Variants in KDM4C observed in about 807,000 individuals in gnomAD.
The protein encoded by KDM4C is lysine demethylase 4C, also known as lysine-specific demethylase 4C.
A neutral mutation model predicts 129.3 loss-of-function variants in KDM4C; 81 were observed. The observed-to-expected ratio is 0.63, with a 90% CI of 0.52 to 0.75. The LOEUF (loss-of-function observed/expected upper bound fraction) is 0.75, where lower values mean the gene tolerates loss of function less well. Ranked by LOEUF, KDM4C falls within the 30% of genes least tolerant of loss-of-function variation. KDM4C has a pLI of 0.00. For missense variants in KDM4C, 1,457 were observed against 1,304.0 expected (o/e 1.12, Z -1.81); for synonymous variants, 573 against 456.1 (o/e 1.26, Z -3.26).
chr9:6,784,022 A>T (rs1374004514), intron 1 of KDM4C, among the ~76,000 whole-genome samples: 1 of 152,188 alleles, frequency 6.6e-6, no homozygotes, highest in Admixed American at 6.5e-5. Context: ...ATCTGTAGGC[A>T]GTGAGGAAGA....
rs36060681 is a variant in KDM4C, at chr9:7,013,946, G to T, written c.2127G>T (p.Glu709Asp). 6.2e-7 allele frequency: 1 copy of T among 1,613,988 alleles called. No individual in the cohort carries two copies. The highest frequency in any genetic ancestry group is 1.3e-5 in the African/African-American group (1 of 75,024). The change falls in exon 14 of 22, where the codon GAG becomes GAT. Residue 709 changes from glutamate (E) to aspartate (D), a missense_variant. Glu to Asp is a conservative substitution (Grantham distance 45). Transcript: ENST00000381309. Reference sequence around the variant, plus strand: ...CTCCACCCAATGCCTTCCTTGAAGAGGATGGAACAAGTCTCCTTATTTCCT... The same window carrying T: ...CTCCACCCAATGCCTTCCTTGAAGATGATGGAACAAGTCTCCTTATTTCCT... Reference protein sequence around the residue: ...EYSPPNAFLEEDGTSLLISCA... With the variant: ...EYSPPNAFLEDDGTSLLISCA...
At chr9:6,810,225 C>G (rs888428449) in intron 3 of KDM4C, among the ~76,000 whole-genome samples, 1 of 152,132 alleles carries the variant, frequency 6.6e-6, no homozygotes, top group Admixed American at 6.5e-5. Flanking sequence ...ATACATATCT[C>G]TGTTAAATTA....
At chr9:6,973,297 C>T (rs1048369232) in intron 8 of KDM4C, among the ~76,000 whole-genome samples, 4 of 152,178 alleles carry the variant, frequency 2.6e-5, no homozygotes, top group Non-Finnish European at 5.9e-5. Flanking sequence ...CCTGTGTCAG[C>T]CTTCCAAAGT....
intron 8 of KDM4C, among the ~76,000 whole-genome samples, chr9:6,948,685 TCTTAACGAGCATG>T (rs1178796678): frequency 2.0e-5 from 3 of 151,786 alleles, no homozygotes; most frequent in Non-Finnish European, 2.9e-5. Flanking sequence ...TGGTGATGAC[TCTTAACGAGCATG>T]CTGCCTTCAA....
chr9:7,150,525 G>A (rs1316308019), intron 19 of KDM4C, among the ~76,000 whole-genome samples: 3 of 152,170 alleles, frequency 2.0e-5, no homozygotes, highest in East Asian at 1.9e-4. Context: ...GTCTCCGAGA[G>A]GGCTGGGTCT....
At chr9:7,048,370 A>C (rs993296677) in intron 16 of KDM4C, among the ~76,000 whole-genome samples, 9 of 152,124 alleles carry the variant, frequency 5.9e-5, no homozygotes, top group Non-Finnish European at 1.2e-4. Context: ...TTGGCTTAAA[A>C]ATAGGTTGAT....
At chr9:6,966,848 T>C (rs1831062329) in intron 8 of KDM4C, among the ~76,000 whole-genome samples, 2 of 152,104 alleles carry the variant, frequency 1.3e-5, no homozygotes, top group Admixed American at 6.5e-5. Flanking sequence ...TAGATGAAAA[T>C]ATAGGGGACA....
At chr9:7,014,822 A>T (rs1269911169) in intron 14 of KDM4C, among the ~76,000 whole-genome samples, 1 of 151,910 alleles carries the variant, frequency 6.6e-6, no homozygotes, top group Non-Finnish European at 1.5e-5. Flanking sequence ...TTTATTAATT[A>T]ATTAGAGACT....
Position 7,096,693 on chromosome 9 carries a change from G to A in KDM4C, c.2425-6992G>A, listed in dbSNP as rs16925334. ...TTAATAAAAAGGCAGCTTAGAATTC[G>A]TCCAACTGTAAAGGAGCAAAAGATG... On this transcript the variant is annotated intron_variant, in intron 17 of 21. Transcript: ENST00000381309. 0.02 allele frequency among the ~76,000 whole-genome samples: 3,072 copies of A among 152,040 alleles called. 250 individuals are homozygous for A. In the East Asian group the frequency reaches 0.26, roughly 13 times the overall value.
At chr9:6,857,739 A>G (rs1840123335) in intron 5 of KDM4C, among the ~76,000 whole-genome samples, 1 of 151,602 alleles carries the variant, frequency 6.6e-6, no homozygotes, top group South Asian at 2.1e-4. Flanking sequence ...ATAGTTTTCC[A>G]GAGTAGCCAG....
At chr9:7,035,194 A>G (rs752749150) in intron 15 of KDM4C, among the ~76,000 whole-genome samples, 1 of 150,544 alleles carries the variant, frequency 6.6e-6, no homozygotes, top group Non-Finnish European at 1.5e-5. Context: ...TTGTATTTTT[A>G]GTAGAGATGA....
At chr9:6,759,712 G>A (rs1247814532) in intron 1 of KDM4C, among the ~76,000 whole-genome samples, 1 of 151,980 alleles carries the variant, frequency 6.6e-6, no homozygotes, top group Non-Finnish European at 1.5e-5. Context: ...CAACACTTTG[G>A]GAGGCCGAGG....
chr9:7,021,236 C>T (rs1235674785), intron 15 of KDM4C, among the ~76,000 whole-genome samples: 1 of 151,842 alleles, frequency 6.6e-6, no homozygotes, highest in Non-Finnish European at 1.5e-5. Flanking sequence ...ACTGCAACCT[C>T]TGCCTCCCAG....
chr9:6,791,128 A>T (rs990320897), intron 1 of KDM4C, among the ~76,000 whole-genome samples: 1 of 151,988 alleles, frequency 6.6e-6, no homozygotes, highest in African/African-American at 2.4e-5. Context: ...GGAGTTAGTT[A>T]CTTCTTCCTG....
At chr9:6,845,417 G>T (rs1300032378) in intron 4 of KDM4C, among the ~76,000 whole-genome samples, 1 of 152,070 alleles carries the variant, frequency 6.6e-6, no homozygotes, top group African/African-American at 2.4e-5. Flanking sequence ...GTCTCACTGT[G>T]TTGCCCAGGG....
At chr9:6,794,174 G>T (rs565556778) in intron 2 of KDM4C, among the ~76,000 whole-genome samples, 6 of 152,358 alleles carry the variant, frequency 3.9e-5, no homozygotes, top group Admixed American at 3.3e-4. Context: ...ACTATGCCAG[G>T]TGCTAGAGGT....
chr9:7,054,372 G>C (rs1830593596), intron 17 of KDM4C, among the ~76,000 whole-genome samples: 1 of 152,172 alleles, frequency 6.6e-6, no homozygotes, highest in African/African-American at 2.4e-5. Flanking sequence ...GTAGTCATAA[G>C]TGAATCTCTG....
At chr9:6,798,845 CG>C (rs1828297573) in intron 2 of KDM4C, among the ~76,000 whole-genome samples, 1 of 151,620 alleles carries the variant, frequency 6.6e-6, no homozygotes, top group African/African-American at 2.4e-5. Flanking sequence ...ACTTCTCAGA[CG>C]GGGCGGCTGC....
chr9:6,821,422 G>A (rs1833011795), intron 4 of KDM4C, among the ~76,000 whole-genome samples: 1 of 152,144 alleles, frequency 6.6e-6, no homozygotes. Context: ...TCTAACTGGT[G>A]TGAGATGGTA....
Sources: gnomAD v4.1 joint callset for allele counts (sites outside exome capture counted in the v4.1 genomes callset) on GRCh38, gnomAD v4.1.1 for gene constraint, MANE v1.5 for transcripts, NCBI Gene and HGNC (gene_info 2026-07-23, HGNC 2026-07-21) for gene names.